NUMB: variants seen among roughly 807,000 people sequenced by gnomAD.
NUMB encodes the protein NUMB endocytic adaptor protein.
Under a neutral mutation model 59.7 loss-of-function variants are expected in NUMB, and 29 were observed. The ratio of observed to expected loss-of-function variants is 0.49; its 90% CI spans 0.36 to 0.66. NUMB has a LOEUF of 0.66. Among genes scored for constraint, NUMB ranks in the 30% least tolerant of loss-of-function variants. NUMB has a pLI of 0.00. For synonymous variants in NUMB, 288 were observed against 288.2 expected, an observed-to-expected ratio of 1.00 and a Z score of 0.01; for missense variants, 723 against 822.0, an observed-to-expected ratio of 0.88 and a Z score of 1.47.
chr14:73,360,207 G>C (rs1894032985), intron 3 of NUMB, among the ~76,000 whole-genome samples: 1 of 152,184 alleles, frequency 6.6e-6, no homozygotes, highest in Non-Finnish European at 1.5e-5. Flanking sequence ...CTCAAGAAGT[G>C]GTGCTTACAA....
intron 3 of NUMB, among the ~76,000 whole-genome samples, chr14:73,362,747 T>C (rs1199040995): frequency 1.3e-5 from 2 of 152,124 alleles, no homozygotes; most frequent in African/African-American, 4.8e-5. Flanking sequence ...ATCACTCTAT[T>C]ATAAATAGAA....
intron 2 of NUMB, among the ~76,000 whole-genome samples, chr14:73,376,166 T>C (rs1157168714): frequency 6.6e-6 from 1 of 152,128 alleles, no homozygotes; most frequent in African/African-American, 2.4e-5. Flanking sequence ...AAAGAATCAA[T>C]GAAAAAACTT....
chr14:73,423,727 T>C (rs1009934452), intron 1 of NUMB, among the ~76,000 whole-genome samples: 2 of 152,022 alleles, frequency 1.3e-5, no homozygotes, highest in Non-Finnish European at 2.9e-5. Context: ...GGAGAATGGC[T>C]TGAATCCAGG....
At chr14:73,422,569 A>G (rs72736363) in intron 1 of NUMB, among the ~76,000 whole-genome samples, 4 of 152,244 alleles carry the variant, frequency 2.6e-5, no homozygotes, top group African/African-American at 9.6e-5. Context: ...TCTGCAGGAT[A>G]TACAAGCATG....
At chr14:73,378,206 T>C (rs1895063401) in intron 2 of NUMB, among the ~76,000 whole-genome samples, 1 of 152,108 alleles carries the variant, frequency 6.6e-6, no homozygotes, top group South Asian at 2.1e-4. Context: ...CCAGATACCA[T>C]TACACACCCA....
In NUMB at chr14:73,367,526, C is replaced by A. The variant is rs887673853; in HGVS notation, c.-100-545G>T. 1.2e-4 allele frequency among the ~76,000 whole-genome samples: 18 copies of A among 151,770 alleles called. 1 individual carries two copies. The highest frequency in any genetic ancestry group is 4.1e-4 in the African/African-American group (17 of 41,318). On this transcript the variant is annotated intron_variant, in intron 2 of 12. Transcript: ENST00000555238. ...ATTTGGGCCATGCCTGTAATCCCAGCACTTCGGGAGGCCTCGGCAGGACAA... is the reference window on the plus strand; with the variant it reads ...ATTTGGGCCATGCCTGTAATCCCAGAACTTCGGGAGGCCTCGGCAGGACAA...
intron 4 of NUMB, among the ~76,000 whole-genome samples, chr14:73,331,987 G>A (rs1273282665): frequency 6.6e-6 from 1 of 152,100 alleles, no homozygotes; most frequent in Non-Finnish European, 1.5e-5. Context: ...CATTAATATG[G>A]GGATTCTTAT....
chr14:73,333,575 A>T (rs1354542891), intron 4 of NUMB, among the ~76,000 whole-genome samples: 1 of 151,992 alleles, frequency 6.6e-6, no homozygotes, highest in East Asian at 1.9e-4. Context: ...CCATTTAAAA[A>T]TTAGGTTGTA....
At chr14:73,390,845 C>T (rs1259356197) in intron 2 of NUMB, among the ~76,000 whole-genome samples, 2 of 151,312 alleles carry the variant, frequency 1.3e-5, no homozygotes, top group Non-Finnish European at 2.9e-5. Flanking sequence ...GACGGGGTTT[C>T]ACCATGTTAG....
At chr14:73,290,742 T>A (rs2139826423) in intron 8 of NUMB, among the ~76,000 whole-genome samples, 1 of 152,332 alleles carries the variant, frequency 6.6e-6, no homozygotes, top group Non-Finnish European at 1.5e-5. Flanking sequence ...GATTTTAGAT[T>A]TTTTTCAGAT....
At chr14:73,372,305 T>TATATATATA (rs1894716710) in intron 2 of NUMB, among the ~76,000 whole-genome samples, 1 of 85,998 alleles carries the variant, frequency 1.2e-5, no homozygotes, top group East Asian at 4.0e-4. Context: ...TATATTTCTT[T>TATATATATA]TATATATATA....
intron 5 of NUMB, among the ~76,000 whole-genome samples, chr14:73,320,862 T>C (rs1300941269): frequency 6.6e-6 from 1 of 150,910 alleles, no homozygotes; most frequent in Non-Finnish European, 1.5e-5. Context: ...TATTATCTTC[T>C]TGGTTTAAAA....
At chr14:73,289,574 G>A (rs1358925275) in intron 8 of NUMB, among the ~76,000 whole-genome samples, 2 of 152,176 alleles carry the variant, frequency 1.3e-5, no homozygotes, top group African/African-American at 4.8e-5. Context: ...ACTGGATTTT[G>A]CATGACAGTA....
At chr14:73,341,830 T>C (rs1892646031) in intron 4 of NUMB, among the ~76,000 whole-genome samples, 1 of 152,190 alleles carries the variant, frequency 6.6e-6, no homozygotes, top group Non-Finnish European at 1.5e-5. Context: ...TTTTATATTA[T>C]AAAACTACAA....
At chr14:73,414,806 G>A (rs963773577) in intron 1 of NUMB, among the ~76,000 whole-genome samples, 2 of 152,010 alleles carry the variant, frequency 1.3e-5, no homozygotes, top group African/African-American at 2.4e-5. Context: ...TGCAAGCTCC[G>A]CCTCCCGGGT....
At chr14:73,428,737 AGG>A (rs1897693206) in intron 1 of NUMB, among the ~76,000 whole-genome samples, 1 of 152,176 alleles carries the variant, frequency 6.6e-6, no homozygotes, top group Non-Finnish European at 1.5e-5. Context: ...GCTTGAGCTC[AGG>A]AGTTCAAGGC....
chr14:73,438,800 TA>T (rs1376145012), intron 1 of NUMB, among the ~76,000 whole-genome samples: 1 of 151,978 alleles, frequency 6.6e-6, no homozygotes, highest in African/African-American at 2.4e-5. Flanking sequence ...TAAAATGAAT[TA>T]GGGGCCAACA....
At chr14:73,444,309 G>C (rs1011392560) in intron 1 of NUMB, among the ~76,000 whole-genome samples, 7 of 149,334 alleles carry the variant, frequency 4.7e-5, no homozygotes, top group Non-Finnish European at 7.4e-5. Context: ...TGAGGCAGGA[G>C]AATTGCTTGA....
intron 1 of NUMB, among the ~76,000 whole-genome samples, chr14:73,449,399 A>G (rs1883772136): frequency 6.6e-6 from 1 of 152,178 alleles, no homozygotes; most frequent in Non-Finnish European, 1.5e-5. Context: ...ACTTATTAAT[A>G]TAATACCTAA....
Sources: allele counts gnomAD v4.1 joint callset (sites outside exome capture counted in the v4.1 genomes callset), GRCh38; gene constraint gnomAD v4.1.1; transcripts MANE v1.5; gene names NCBI Gene and HGNC (gene_info 2026-07-23, HGNC 2026-07-21).